ZNF565: variants seen among roughly 807,000 people sequenced by gnomAD.
The protein encoded by ZNF565 is zinc finger protein 565.
A neutral mutation model predicts 39.4 loss-of-function variants in ZNF565; 27 were observed. The ratio of observed to expected loss-of-function variants is 0.69; its 90% CI spans 0.51 to 0.95. The LOEUF (loss-of-function observed/expected upper bound fraction) is 0.95. Among genes scored for constraint, ZNF565 ranks in the 40% least tolerant of loss-of-function variants. The probability of loss-of-function intolerance (pLI) is 0.00; values close to 1 mark genes in which losing one functional copy is unlikely to be tolerated. For synonymous variants in ZNF565, 185 were observed against 216.6 expected, an observed-to-expected ratio of 0.85 and a Z score of 1.28; for missense variants, 524 against 621.1, an observed-to-expected ratio of 0.84 and a Z score of 1.66.
At chr19:36,209,212 G>C (rs776684530) in intron 1 of ZNF565, among the ~76,000 whole-genome samples, 1 of 152,124 alleles carries the variant, frequency 6.6e-6, no homozygotes, top group Non-Finnish European at 1.5e-5. Flanking sequence ...TACTGAAATA[G>C]GTAAGTGGGA....
At position 36,182,339 on chromosome 19, in the gene ZNF565, G is replaced by A; in HGVS notation, c.*127C>T. 1 of 713,948 alleles carries A rather than the reference G, an allele frequency of 1.4e-6. No individual in the cohort carries two copies. The highest frequency in any genetic ancestry group is 2.1e-6 in the Non-Finnish European group (1 of 486,798). The allele number at this position is 713,948 out of a possible 1,614,324, so 44.2% of individuals were successfully genotyped here. A position where few individuals can be genotyped will look rare whatever the true frequency, so the allele number is the denominator to read the frequency against. ...AATTTTCTTTGGGTGTGAGTTTTCT[G>A]ATGTTCTATGATGGAAGTGACAGGT... is the stretch of plus-strand genomic sequence containing the variant. On this transcript the variant is annotated 3_prime_UTR_variant, in exon 5 of 5. Transcript: ENST00000304116.
At chr19:36,215,019 A>C (rs1049287053), upstream of ZNF565, 2 of 152,328 alleles carry the variant, frequency 1.3e-5, no homozygotes, top group African/African-American at 4.8e-5. Context: ...TGGTAATAGA[A>C]GGTAATTCAG....
At chr19:36,211,392 G>C (rs956235343) in intron 1 of ZNF565, among the ~76,000 whole-genome samples, 5 of 151,246 alleles carry the variant, frequency 3.3e-5, no homozygotes, top group African/African-American at 1.2e-4. Flanking sequence ...GCAGTGAGCT[G>C]AGATCATGTC....
At chr19:36,207,666 T>C (rs1976207789) in intron 1 of ZNF565, among the ~76,000 whole-genome samples, 1 of 152,212 alleles carries the variant, frequency 6.6e-6, no homozygotes, top group Non-Finnish European at 1.5e-5. Flanking sequence ...ATTATCCAGT[T>C]TGGGGCACAC....
intron 1 of ZNF565, among the ~76,000 whole-genome samples, chr19:36,223,071 A>G (rs1442729259): frequency 6.6e-6 from 1 of 151,936 alleles, no homozygotes; most frequent in Non-Finnish European, 1.5e-5. Context: ...ACTCCCAAGT[A>G]GCGGGGACTA....
intron 4 of ZNF565, among the ~76,000 whole-genome samples, chr19:36,188,717 A>C (rs1975410833): frequency 6.6e-6 from 1 of 151,898 alleles, no homozygotes; most frequent in African/African-American, 2.4e-5. Context: ...GTCTCAAAAA[A>C]AAAAAAAAAC....
chr19:36,194,892 T>C, intron 3 of ZNF565, 138 bp downstream of exon 3: 1 of 1,363,012 alleles, frequency 7.3e-7, no homozygotes, highest in Non-Finnish European at 1.0e-6. Context: ...CGGGCCTCTC[T>C]CTATGGCTGT....
At chr19:36,205,441 T>C (rs947415865) in intron 1 of ZNF565, among the ~76,000 whole-genome samples, 2 of 151,686 alleles carry the variant, frequency 1.3e-5, no homozygotes, top group Admixed American at 6.6e-5. Flanking sequence ...GCAGGGAGAA[T>C]TGCTTGAACT....
intron 1 of ZNF565, among the ~76,000 whole-genome samples, chr19:36,241,781 C>CAAAAAAAAAA (rs57036778): frequency 1.3e-5 from 1 of 79,772 alleles, no homozygotes; most frequent in Non-Finnish European, 2.4e-5. Flanking sequence ...AGAAGAGTGT[C>CAAAAAAAAAA]AAAAAAAAAA....
chr19:36,242,381 C>G (rs1049450473), intron 1 of ZNF565, among the ~76,000 whole-genome samples: 3 of 151,412 alleles, frequency 2.0e-5, no homozygotes, highest in Admixed American at 1.3e-4. Flanking sequence ...TGAACTCCAG[C>G]CTGGGTGGCA....
intron 1 of ZNF565, among the ~76,000 whole-genome samples, chr19:36,228,985 ATTC>A (rs963325624): frequency 1.3e-4 from 20 of 152,198 alleles, no homozygotes; most frequent in Admixed American, 8.5e-4. Flanking sequence ...GTGTTTCATT[ATTC>A]TTCTTCTTTC....
chr19:36,183,350 G>A lies in ZNF565; in HGVS notation c.616C>T (p.Arg206Cys), dbSNP rs752454453. The A allele has an allele frequency of 8.7e-6, 14 of 1,614,016 alleles. No individual in the cohort carries two copies. Among genetic ancestry groups the A allele is most frequent in the African/African-American group, 4.0e-5 (3 of 74,918 alleles). ...TGATGCTGAACAAGGTGTGAGGCAC[G>A]GCTGAAGGCCTTCCCACATTCCTTA... ...GCKECGKAFS[R>C]ASHLVQHQRI... is the part of the protein sequence containing the mutation. Residue 206 changes from arginine (R) to cysteine (C), a missense_variant, in exon 5 of 5, where the codon CGT (arginine) becomes TGT (cysteine). Transcript: ENST00000304116.
intron 2 of ZNF565, among the ~76,000 whole-genome samples, chr19:36,200,531 C>G (rs941235425): frequency 6.6e-6 from 1 of 151,520 alleles, no homozygotes; most frequent in African/African-American, 2.4e-5. Flanking sequence ...CTCTGTCACC[C>G]AGGCTGGAGT....
upstream of ZNF565, chr19:36,217,981 T>G (rs1976682603): frequency 1.3e-5 from 2 of 152,036 alleles, no homozygotes; most frequent in African/African-American, 4.8e-5. Context: ...GGCTTTGTAT[T>G]TTTAGTAGAG....
intron 1 of ZNF565, chr19:36,237,889 A>G (rs763705833): frequency 1.2e-5 from 2 of 167,020 alleles, no homozygotes; most frequent in Non-Finnish European, 2.9e-5. Flanking sequence ...AACTATACAC[A>G]AAAGTGAATC....
At chr19:36,185,368 C>T (rs1449172539) in intron 4 of ZNF565, among the ~76,000 whole-genome samples, 2 of 147,982 alleles carry the variant, frequency 1.4e-5, no homozygotes, top group East Asian at 2.0e-4. Context: ...GAGCTGAGAT[C>T]GCACCACTGC....
intron 1 of ZNF565, chr19:36,238,443 G>A (rs996996934): frequency 6.0e-6 from 1 of 167,032 alleles, no homozygotes; most frequent in Non-Finnish European, 1.5e-5. Flanking sequence ...GGGGACTTCA[G>A]CTTTTTATAT....
At position 36,182,857 on chromosome 19, in the gene ZNF565, T is replaced by C. The variant is rs1449338228; in HGVS notation, c.1109A>G (p.Lys370Arg). ...GAGCTGTGCGTGCTGTCTGAAGGCCTTCCCACATTCCTTACACTCATAGGG... is the reference window on the plus strand; with the variant it reads ...GAGCTGTGCGTGCTGTCTGAAGGCCCTCCCACATTCCTTACACTCATAGGG... The part of the protein sequence containing the change: ...EKPYECKECG[K>R]AFRQHAQLTR... Residue 370 changes from lysine to arginine, a missense_variant, in exon 5 of 5, where the codon AAG becomes AGG. Transcript: ENST00000304116. The C allele has an allele frequency of 6.2e-7, 1 of 1,614,038 alleles. No homozygotes were observed. Among genetic ancestry groups the C allele is most frequent in the Non-Finnish European group, 8.5e-7 (1 of 1,180,044 alleles).
chr19:36,184,261 G>T (rs938807179), intron 4 of ZNF565, among the ~76,000 whole-genome samples: 8 of 151,420 alleles, frequency 5.3e-5, no homozygotes, highest in African/African-American at 1.9e-4. Flanking sequence ...TTAAGCCAGG[G>T]GTTCTAAATT....
Sources: allele counts gnomAD v4.1 joint callset (sites outside exome capture counted in the v4.1 genomes callset), GRCh38; gene constraint gnomAD v4.1.1; transcripts MANE v1.5; gene names NCBI Gene and HGNC (gene_info 2026-07-23, HGNC 2026-07-21).